MBNL2: variants seen among roughly 807,000 people sequenced by gnomAD.
MBNL2 encodes muscleblind like splicing regulator 2, also known as muscleblind-like protein 2.
In MBNL2, 17 loss-of-function variants were observed where a neutral mutation model predicts 41.9. The ratio of observed to expected loss-of-function variants is 0.41; its 90% confidence interval spans 0.28 to 0.61. The LOEUF is 0.61. MBNL2 is among the 20% of genes least tolerant of loss of function. MBNL2 has a pLI of 0.35. For synonymous variants in MBNL2, 195 were observed against 182.9 expected (o/e 1.07, Z -0.53); for missense variants, 336 against 505.6 (o/e 0.66, Z 3.22).
the MBNL2 span, among the ~76,000 whole-genome samples, chr13:97,165,139 G>T: frequency 6.6e-6 from 1 of 152,124 alleles, no homozygotes; most frequent in Non-Finnish European, 1.5e-5. Context: ...GGAAGGTGGA[G>T]GTTGCAGTGA....
chr13:97,291,466 C>G (rs1350671007), intron 2 of MBNL2, among the ~76,000 whole-genome samples: 1 of 152,060 alleles, frequency 6.6e-6, no homozygotes, highest in African/African-American at 2.4e-5. Flanking sequence ...TGGTCTCAAT[C>G]CCCTGACCTC....
rs2063828489 is a variant in MBNL2, at chr13:97,366,189, A to G, written c.1048+1018A>G. Among the ~76,000 whole-genome samples the G allele has an allele frequency of 6.6e-6, 1 of 152,242 alleles. No individual in the cohort carries two copies. ...ATCTATTGTTAGAAATAAAATGTTT[A>G]TAAATACATCAACCAAAGTAATCTG... is the stretch of plus-strand genomic sequence containing the variant. On this transcript the variant is annotated intron_variant, in intron 8 of 8. Transcript: ENST00000679496. The surrounding 1 kb of genome is among the most constrained non-coding windows in gnomAD (Gnocchi z 4.7).
At chr13:97,382,095 G>C (rs1442903842) in intron 8 of MBNL2, among the ~76,000 whole-genome samples, 2 of 152,124 alleles carry the variant, frequency 1.3e-5, no homozygotes, top group Admixed American at 6.5e-5. Flanking sequence ...TATTTTCTTA[G>C]TGTGTCCCAC....
rs183087774 is a variant in MBNL2, at chr13:97,296,778, T to C, written c.174+20369T>C. ...TGAGGGAGGCTAGACCAACAGAAGATTTCTAGATCTTTGGCCCCAAACATT... is the reference window on the plus strand; with the variant it reads ...TGAGGGAGGCTAGACCAACAGAAGACTTCTAGATCTTTGGCCCCAAACATT... On this transcript the variant is annotated intron_variant, in intron 2 of 8. Coordinates refer to ENST00000679496, the MANE Select transcript of MBNL2 (RefSeq NM_001382683.1). 3.5e-3 allele frequency among the ~76,000 whole-genome samples: 535 copies of C among 152,306 alleles called. 3 individuals carry two copies. The highest frequency in any genetic ancestry group is 0.012 in the African/African-American group (515 of 41,568).
chr13:97,195,324 C>T, the MBNL2 span, among the ~76,000 whole-genome samples: 2 of 152,146 alleles, frequency 1.3e-5, no homozygotes, highest in Non-Finnish European at 2.9e-5. Flanking sequence ...CTTCATGCTC[C>T]TCATATTCAC....
the MBNL2 span, among the ~76,000 whole-genome samples, chr13:97,199,133 C>T: frequency 6.6e-6 from 1 of 152,152 alleles, no homozygotes. Context: ...ACATGCCCAG[C>T]CTCCTGCTGT....
At chr13:97,150,704 G>C in the MBNL2 span, among the ~76,000 whole-genome samples, 5 of 152,130 alleles carry the variant, frequency 3.3e-5, no homozygotes, top group African/African-American at 1.2e-4. Context: ...ACGAGATCTT[G>C]CCATGTTGCC....
chr13:97,249,929 G>T (rs1181193041), intron 1 of MBNL2, among the ~76,000 whole-genome samples: 1 of 152,174 alleles, frequency 6.6e-6, no homozygotes, highest in Non-Finnish European at 1.5e-5. Context: ...AGGAGGCTAA[G>T]TAACTTTAGA....
At chr13:97,367,135 C>T (rs569003589) in intron 8 of MBNL2, among the ~76,000 whole-genome samples, 3 of 152,318 alleles carry the variant, frequency 2.0e-5, no homozygotes, top group Non-Finnish European at 2.9e-5. Flanking sequence ...TCATGGGTGC[C>T]GCTGAACTCA....
At chr13:97,218,148 C>T (rs574296411), upstream of MBNL2, among the ~76,000 whole-genome samples, 5 of 152,198 alleles carry the variant, frequency 3.3e-5, no homozygotes, top group East Asian at 1.9e-4. Flanking sequence ...CAGTGGCTCA[C>T]GCCTGTAATC....
At chr13:97,326,967 C>T (rs2059953363) in intron 2 of MBNL2, among the ~76,000 whole-genome samples, 2 of 152,188 alleles carry the variant, frequency 1.3e-5, no homozygotes, top group South Asian at 4.1e-4. Flanking sequence ...TATAAATGGA[C>T]TAATAAGAAT....
intron 1 of MBNL2, among the ~76,000 whole-genome samples, chr13:97,223,453 A>G (rs183977472): frequency 7.2e-5 from 11 of 152,366 alleles, no homozygotes; most frequent in Admixed American, 1.3e-4. Context: ...TCTGCCAGGC[A>G]TGAGGAAACT....
At chr13:97,382,510 G>A (rs2065548345) in intron 8 of MBNL2, among the ~76,000 whole-genome samples, 1 of 152,260 alleles carries the variant, frequency 6.6e-6, no homozygotes, top group South Asian at 2.1e-4. Context: ...TGTCATCCGG[G>A]GAAAGCCTGT....
At chr13:97,373,282 A>G (rs957490557) in intron 8 of MBNL2, among the ~76,000 whole-genome samples, 18 of 152,008 alleles carry the variant, frequency 1.2e-4, no homozygotes, top group Admixed American at 1.1e-3. Context: ...TCGTTTAGCC[A>G]CCTCTAACTT....
chr13:97,327,249 C>T (rs773044470), intron 2 of MBNL2, among the ~76,000 whole-genome samples: 18 of 152,092 alleles, frequency 1.2e-4, no homozygotes, highest in Non-Finnish European at 2.5e-4. Context: ...ACCACTTCTG[C>T]TGAATCTCCT....
At chr13:97,358,197 G>A (rs746158650) in intron 7 of MBNL2, among the ~76,000 whole-genome samples, 4 of 152,036 alleles carry the variant, frequency 2.6e-5, no homozygotes, top group African/African-American at 7.3e-5. Context: ...TATTACGTAC[G>A]ATGTGCATTA....
intron 8 of MBNL2, among the ~76,000 whole-genome samples, chr13:97,368,855 TA>T (rs1170527743): frequency 1.3e-5 from 2 of 152,164 alleles, no homozygotes; most frequent in African/African-American, 4.8e-5. Context: ...TCAACTTCTT[TA>T]ATTGCAAGCA....
In MBNL2 at chr13:97,275,901, C is replaced by A; in HGVS notation, c.-335C>A. The A allele has an allele frequency of 5.2e-6, 1 of 190,666 alleles. No individual in the cohort carries two copies. The highest frequency in any genetic ancestry group is 1.1e-5 in the Non-Finnish European group (1 of 93,940). The allele number at this position is 190,666 out of a possible 1,614,324, so 11.8% of individuals were successfully genotyped here. On this transcript the variant is annotated 5_prime_UTR_variant, in exon 2 of 9. Coordinates refer to ENST00000679496, the MANE Select transcript of MBNL2 (RefSeq NM_001382683.1). ...GCTGTGAGCGTCAGCATTAAATATTCTCCCAAGGAGTGCCATGATATTGAA... is the reference window on the plus strand; with the variant it reads ...GCTGTGAGCGTCAGCATTAAATATTATCCCAAGGAGTGCCATGATATTGAA...
chr13:97,166,673 C>A, the MBNL2 span, among the ~76,000 whole-genome samples: 1 of 152,112 alleles, frequency 6.6e-6, no homozygotes, highest in Admixed American at 6.6e-5. Context: ...CATCAAACTT[C>A]AAGTTCTTTA....
Sources: gnomAD v4.1 joint callset for allele counts (sites outside exome capture counted in the v4.1 genomes callset) on GRCh38, gnomAD v4.1.1 for gene constraint, Gnocchi (gnomAD v3.1) non-coding constraint, MANE v1.5 for transcripts, NCBI Gene and HGNC (gene_info 2026-07-23, HGNC 2026-07-21) for gene names.